The following ZNF726 variants were observed in gnomAD, a reference collection of about 807,000 sequenced individuals.
ZNF726 encodes the protein zinc finger protein 92 pseudogene 3.
A neutral mutation model predicts 11.6 loss-of-function variants in ZNF726; 15 were observed. The ratio of observed to expected loss-of-function variants is 1.29; its 90% confidence interval spans 0.86 to 1.99. ZNF726 has a LOEUF of 1.99. ZNF726 is among the 30% of genes most tolerant of loss of function. ZNF726 has a pLI of 0.00. For synonymous variants in ZNF726, 295 were observed against 243.6 expected, an observed-to-expected ratio of 1.21 and a Z score of -1.96; for missense variants, 890 against 725.6, an observed-to-expected ratio of 1.23 and a Z score of -2.60.
intron 3 of ZNF726, chr19:23,920,568 C>T (rs1196375503): frequency 6.5e-6 from 1 of 154,348 alleles, no homozygotes; most frequent in African/African-American, 2.4e-5. Flanking sequence ...CAGGTGCACA[C>T]CACCACAACT....
chr19:23,915,925 G>A (rs558537973), intron 1 of ZNF726, among the ~76,000 whole-genome samples: 2 of 152,260 alleles, frequency 1.3e-5, no homozygotes, highest in South Asian at 4.2e-4. Context: ...TCATGGTTAT[G>A]TAATCAGAGC....
chr19:23,927,262 C>T lies in ZNF726; in HGVS notation c.227-5081C>T, dbSNP rs1030567984. On this transcript the variant is annotated intron_variant, in intron 3 of 3. Transcript: ENST00000594466. Reference sequence around the variant, plus strand: ...GATTACAGGTGTGAGTCACCTCACCCGGCCATAAAAATTATATTAAATATG... The same window carrying T: ...GATTACAGGTGTGAGTCACCTCACCTGGCCATAAAAATTATATTAAATATG... Among the ~76,000 whole-genome samples, 17 of 152,108 alleles carry T rather than the reference C, an allele frequency of 1.1e-4. 1 individual carries two copies. In the South Asian group the frequency reaches 1.5e-3, roughly 13 times the overall value.
At chr19:23,919,162 T>A in intron 1 of ZNF726, 1 of 635,234 alleles carries the variant, frequency 1.6e-6, no homozygotes, top group Non-Finnish European at 2.4e-6. Context: ...ATATATACAC[T>A]GATGTTCTGG....
At chr19:23,937,395 G>A (rs1466301204), downstream of ZNF726, among the ~76,000 whole-genome samples, 5 of 151,992 alleles carry the variant, frequency 3.3e-5, no homozygotes, top group South Asian at 2.1e-4. Context: ...AGACGGGGTG[G>A]CTGCCGGGCA....
intron 3 of ZNF726, among the ~76,000 whole-genome samples, chr19:23,939,606 T>C (rs1968304143): frequency 6.6e-6 from 1 of 152,226 alleles, no homozygotes; most frequent in Non-Finnish European, 1.5e-5. Flanking sequence ...CCCACTTTTT[T>C]CCATAGCGGC....
chr19:23,918,177 C>A (rs1051365530), intron 1 of ZNF726, among the ~76,000 whole-genome samples: 2 of 151,760 alleles, frequency 1.3e-5, no homozygotes, highest in Admixed American at 1.3e-4. Flanking sequence ...TAAGAACTGG[C>A]GAGAAGGTTG....
rs113698275 is a variant in ZNF726 at position 23,927,046 on chromosome 19, C to T, written c.227-5297C>T. On this transcript the variant is annotated intron_variant, in intron 3 of 3. Transcript: ENST00000594466. ...AGGCTGGAGTGCAGTGGCACTATCT[C>T]GGCTCACTGCAACCTCTGCCTCCCA... 1.9e-3 allele frequency among the ~76,000 whole-genome samples: 292 copies of T among 151,648 alleles called. 2 individuals carry two copies. Among genetic ancestry groups the T allele is most frequent in the Admixed American group, 4.6e-3 (70 of 15,248 alleles).
chr19:23,928,423 T>C (rs1482841394), intron 3 of ZNF726: 4 of 152,358 alleles, frequency 2.6e-5, no homozygotes, highest in South Asian at 4.1e-4. Flanking sequence ...TATGTTGCTA[T>C]GTATTTCTTG....
chr19:23,935,746 G>A (rs1968219779), downstream of ZNF726: 1 of 195,362 alleles, frequency 5.1e-6, no homozygotes, highest in Non-Finnish European at 1.1e-5. Flanking sequence ...AATGCTCATA[G>A]CTTATTGCAC....
chr19:23,931,938 C>A (rs189106320), intron 3 of ZNF726, among the ~76,000 whole-genome samples: 1 of 152,152 alleles, frequency 6.6e-6, no homozygotes, highest in Non-Finnish European at 1.5e-5. Flanking sequence ...CAAAAAAAGC[C>A]CCTAAAAGCC....
chr19:23,941,411 G>A (rs1046547576), intron 3 of ZNF726, among the ~76,000 whole-genome samples: 5 of 152,132 alleles, frequency 3.3e-5, no homozygotes, highest in Non-Finnish European at 5.9e-5. Flanking sequence ...TAGCATCAAT[G>A]TTTGTCAAGG....
intron 3 of ZNF726, among the ~76,000 whole-genome samples, chr19:23,925,358 T>C (rs1176772751): frequency 6.6e-6 from 1 of 152,124 alleles, no homozygotes; most frequent in East Asian, 1.9e-4. Flanking sequence ...TCAACCCAAC[T>C]AACTTTTGTA....
intron 3 of ZNF726, among the ~76,000 whole-genome samples, 176 bp from the exon 4 acceptor site, chr19:23,932,167 A>G (rs1056000077): frequency 3.3e-5 from 5 of 152,048 alleles, no homozygotes; most frequent in East Asian, 1.9e-4. Context: ...TTTCCCACAG[A>G]TGTATTTTGG....
intron 3 of ZNF726, among the ~76,000 whole-genome samples, chr19:23,931,947 C>T (rs924595255): frequency 6.6e-6 from 1 of 152,068 alleles, no homozygotes. Flanking sequence ...CCCCTAAAAG[C>T]CAGAAATGAT....
downstream of ZNF726, among the ~76,000 whole-genome samples, chr19:23,934,637 C>T (rs1264531231): frequency 2.0e-5 from 3 of 152,182 alleles, no homozygotes; most frequent in Admixed American, 6.5e-5. Context: ...GTTCAGCAGC[C>T]TCCGGACCCC....
At chr19:23,940,512 T>A (rs1004826557) in intron 3 of ZNF726, among the ~76,000 whole-genome samples, 1 of 152,170 alleles carries the variant, frequency 6.6e-6, no homozygotes. Context: ...AATCGTTTTT[T>A]TTAACTGTGT....
chr19:23,933,974 C>A lies in ZNF726; in HGVS notation c.*7C>A, dbSNP rs1305817568. The stretch of plus-strand genomic sequence containing the variant: ...TAAGAGGATTCATACTTGAGAGAAA[C>A]CTTAAAAAGGGTAAAGAATGTGGCA... On this transcript the variant is annotated 3_prime_UTR_variant, in exon 4 of 4. Coordinates refer to ENST00000594466, the MANE Select transcript of ZNF726 (RefSeq NM_001244038.2). The A allele has an allele frequency of 1.3e-6, 2 of 1,571,884 alleles. No homozygotes were observed. Among genetic ancestry groups the A allele is most frequent in the Non-Finnish European group, 1.7e-6 (2 of 1,158,332 alleles).
chr19:23,916,541 G>C (rs1449381721), intron 1 of ZNF726, among the ~76,000 whole-genome samples: 1 of 152,130 alleles, frequency 6.6e-6, no homozygotes, highest in Non-Finnish European at 1.5e-5. Context: ...ATGTTGGCCA[G>C]GCTGGTCTTG....
chr19:23,934,253 TC>T lies in ZNF726; in HGVS notation c.*288del. The stretch of plus-strand genomic sequence containing the variant: ...GTGAAAAATGTGGCAAAGCATATGG[TC>T]CACACCCCTAAGTAGACATAAGAGG... On this transcript the variant is annotated 3_prime_UTR_variant, in exon 4 of 4. Coordinates refer to ENST00000594466, the MANE Select transcript of ZNF726 (RefSeq NM_001244038.2). The T allele has an allele frequency of 1.5e-6, 1 of 671,346 alleles. No homozygotes were observed. The highest frequency in any genetic ancestry group is 2.8e-6 in the Non-Finnish European group (1 of 355,580). 41.6% of individuals were successfully genotyped at this position (671,346 alleles called of 1,614,324 possible). A position where few individuals can be genotyped will look rare whatever the true frequency, so the allele number is the denominator to read the frequency against.
Sources: gnomAD v4.1 joint callset for allele counts (sites outside exome capture counted in the v4.1 genomes callset) on GRCh38, gnomAD v4.1.1 for gene constraint, MANE v1.5 for transcripts, NCBI Gene and HGNC (gene_info 2026-07-23, HGNC 2026-07-21) for gene names.